The following PLB1 variants were observed in gnomAD, a reference collection of about 807,000 sequenced individuals.
PLB1 encodes phospholipase B1.
PLB1 carries 242 observed loss-of-function variants against 227.4 expected under a neutral mutation model. The observed-to-expected ratio is 1.06, with a 90% CI of 0.96 to 1.18. The LOEUF (loss-of-function observed/expected upper bound fraction) is 1.18. Ranked by LOEUF, PLB1 falls within the 50% of genes most tolerant of loss-of-function variation. The probability of loss-of-function intolerance (pLI) is 0.00; values close to 1 mark genes in which losing one functional copy is unlikely to be tolerated. For synonymous variants in PLB1, 757 were observed against 682.2 expected, an observed-to-expected ratio of 1.11 and a Z score of -1.71; for missense variants, 1,858 against 1,816.3, an observed-to-expected ratio of 1.02 and a Z score of -0.42.
intron 1 of PLB1, among the ~76,000 whole-genome samples, chr2:28,512,843 G>A (rs1281047352): frequency 1.3e-5 from 2 of 152,282 alleles, no homozygotes; most frequent in African/African-American, 2.4e-5. Flanking sequence ...GAATGAGCAC[G>A]AAGTTGTAGC....
At position 28,606,582 on chromosome 2, in the gene PLB1, C is replaced by T. The variant is rs1376758605; in HGVS notation, c.3129+15C>T. ...GTCCCACTCAGGTAGTAGGGGAGGACCTGCCTGGCTCCTCTCCACAAACCA... is the reference window on the plus strand; with the variant it reads ...GTCCCACTCAGGTAGTAGGGGAGGATCTGCCTGGCTCCTCTCCACAAACCA... On this transcript the variant is annotated intron_variant, in intron 43 of 57. Transcript: ENST00000327757. 10 of 1,611,758 alleles carry T rather than the reference C, an allele frequency of 6.2e-6. No homozygotes were observed. In the African/African-American group the frequency reaches 1.3e-4, roughly 22 times the overall value.
intron 23 of PLB1, among the ~76,000 whole-genome samples, chr2:28,580,365 C>G (rs778017460): frequency 6.6e-6 from 1 of 152,234 alleles, no homozygotes; most frequent in Non-Finnish European, 1.5e-5. Flanking sequence ...CAGTTCATCA[C>G]AGCACAAAGC....
intron 1 of PLB1, among the ~76,000 whole-genome samples, chr2:28,510,096 A>G (rs1233484716): frequency 6.6e-6 from 1 of 152,254 alleles, no homozygotes; most frequent in Non-Finnish European, 1.5e-5. Flanking sequence ...AAGAAATCCC[A>G]GAATATTGAG....
At chr2:28,631,814 C>T (rs543847528) in intron 54 of PLB1, among the ~76,000 whole-genome samples, 1 of 152,360 alleles carries the variant, frequency 6.6e-6, no homozygotes, top group African/African-American at 2.4e-5. Context: ...CTGGGTTCAA[C>T]TCATCTCTGA....
At chr2:28,570,528 G>C (rs1030307504) in intron 20 of PLB1, among the ~76,000 whole-genome samples, 8 of 152,158 alleles carry the variant, frequency 5.3e-5, no homozygotes, top group African/African-American at 1.9e-4. Context: ...GCTCACGCCT[G>C]TACTACCAGC....
intron 46 of PLB1, among the ~76,000 whole-genome samples, chr2:28,620,009 G>C (rs1300918294): frequency 6.6e-6 from 1 of 152,126 alleles, no homozygotes; most frequent in Admixed American, 6.5e-5. Flanking sequence ...ACGGCAAAGG[G>C]AACAGAAAGA....
intron 49 of PLB1, among the ~76,000 whole-genome samples, chr2:28,623,072 A>C (rs1039193124): frequency 6.6e-6 from 1 of 152,214 alleles, no homozygotes; most frequent in African/African-American, 2.4e-5. Context: ...AGAGAACAGA[A>C]GAGCACACAG....
intron 33 of PLB1, among the ~76,000 whole-genome samples, chr2:28,596,537 AAAG>A (rs778324463): frequency 1.3e-5 from 2 of 152,234 alleles, no homozygotes; most frequent in Non-Finnish European, 2.9e-5. Flanking sequence ...TTGAAGGAGA[AAAG>A]GAGGCAGAAT....
intron 17 of PLB1, among the ~76,000 whole-genome samples, chr2:28,559,331 C>T (rs1352338965): frequency 6.6e-6 from 1 of 152,256 alleles, no homozygotes; most frequent in East Asian, 1.9e-4. Flanking sequence ...GCCCAGCCAT[C>T]TGTGTTTTCA....
Position 28,602,958 on chromosome 2 carries a change from C to T in PLB1, c.2774+37C>T, listed in dbSNP as rs199857953. 29 of 1,557,556 alleles carry T rather than the reference C, an allele frequency of 1.9e-5. No homozygotes were observed. The East Asian group carries it at 6.0e-4, about 32-fold the overall frequency. The stretch of plus-strand genomic sequence containing the variant: ...CTGGCTGTCCCCACACTGGAGATGC[C>T]CTCACCTCCTGGTCTGGCCCACATG... On this transcript the variant is annotated intron_variant, in intron 39 of 57. Coordinates refer to ENST00000327757, the MANE Select transcript of PLB1 (RefSeq NM_153021.5).
chr2:28,512,827 G>A (rs941536048), intron 1 of PLB1, among the ~76,000 whole-genome samples: 2 of 152,132 alleles, frequency 1.3e-5, no homozygotes, highest in Admixed American at 6.5e-5. Flanking sequence ...GTGTATGCAG[G>A]TTAGGGAATG....
At chr2:28,623,665 G>A (rs758847555) in intron 49 of PLB1, among the ~76,000 whole-genome samples, 17 of 152,148 alleles carry the variant, frequency 1.1e-4, no homozygotes, top group Admixed American at 9.8e-4. Context: ...TGGCCAGCTC[G>A]CACTGGTTGC....
intron 53 of PLB1, 27 bp from the exon 54 acceptor site, chr2:28,630,559 C>T: frequency 8.7e-6 from 14 of 1,603,118 alleles, no homozygotes; most frequent in Non-Finnish European, 1.2e-5. Flanking sequence ...CCCAGGCAGC[C>T]TCAATACAAC....
chr2:28,630,749 T>C, intron 54 of PLB1, 85 bp downstream of exon 54: 1 of 1,181,984 alleles, frequency 8.5e-7, no homozygotes, highest in Non-Finnish European at 1.2e-6. Flanking sequence ...CCCAGCAGGA[T>C]GTGGCCAAGA....
At chr2:28,519,096 G>T (rs1669185149) in intron 3 of PLB1, among the ~76,000 whole-genome samples, 1 of 152,166 alleles carries the variant, frequency 6.6e-6, no homozygotes, top group Non-Finnish European at 1.5e-5. Flanking sequence ...TCTTTAGGTG[G>T]CTTACATGTA....
chr2:28,622,347 A>G (rs1687154785), intron 49 of PLB1, among the ~76,000 whole-genome samples: 1 of 152,244 alleles, frequency 6.6e-6, no homozygotes, highest in Admixed American at 6.5e-5. Context: ...TTCTTCAGCA[A>G]TAAATAGGGA....
At position 28,617,734 on chromosome 2, in the gene PLB1, G is replaced by T. The variant is rs373310166; in HGVS notation, c.3203G>T (p.Gly1068Val). 1.2e-6 allele frequency: 2 copies of T among 1,614,128 alleles called. No homozygotes were observed. The highest frequency in any genetic ancestry group is 1.7e-5 in the Admixed American group (1 of 60,022). Reference protein sequence around the residue: ...YPIKPAIENWGSDFLCTEWKA... With the variant: ...YPIKPAIENWVSDFLCTEWKA... Reference sequence around the variant, plus strand: ...TTTCTCCTGTTGATTTAGAACTGGGGCAGTGACTTCCTGTGTACAGAGTGG... The same window carrying T: ...TTTCTCCTGTTGATTTAGAACTGGGTCAGTGACTTCCTGTGTACAGAGTGG... Residue 1068 changes from glycine to valine, a missense_variant, in exon 45 of 58, where the codon GGC (glycine) becomes GTC (valine). Coordinates refer to ENST00000327757, the MANE Select transcript of PLB1 (RefSeq NM_153021.5).
chr2:28,585,939 G>A, intron 26 of PLB1, 97 bp downstream of exon 26: 1 of 1,125,658 alleles, frequency 8.9e-7, no homozygotes, highest in South Asian at 1.3e-5. Flanking sequence ...TTTTGACCCT[G>A]TGTGGGGGAT....
At chr2:28,548,585 C>CTATATATA in intron 14 of PLB1, 4 of 454,274 alleles carry the variant, frequency 8.8e-6, no homozygotes, top group South Asian at 1.8e-5. Context: ...GAAGTCCCTT[C>CTATATATA]TATATATATA....
Sources: allele counts gnomAD v4.1 joint callset (sites outside exome capture counted in the v4.1 genomes callset), GRCh38; gene constraint gnomAD v4.1.1; transcripts MANE v1.5; gene names NCBI Gene and HGNC (gene_info 2026-07-23, HGNC 2026-07-21).